Variants in TAS2R1 observed in about 807,000 individuals in gnomAD.
TAS2R1 encodes the protein taste 2 receptor member 1.
For synonymous variants in TAS2R1, 141 were observed against 134.2 expected (o/e 1.05, Z -0.35); for missense variants, 370 against 353.4 (o/e 1.05, Z -0.38).
chr5:9,740,827 C>T, the TAS2R1 span, among the ~76,000 whole-genome samples: 3,072 of 152,322 alleles, frequency 0.02, 41 homozygotes, highest in Middle Eastern at 0.034. Flanking sequence ...ATCCTTCTTA[C>T]ACTGCACCGT....
chr5:9,731,066 G>A, the TAS2R1 span, among the ~76,000 whole-genome samples: 10 of 151,942 alleles, frequency 6.6e-5, no homozygotes, highest in Non-Finnish European at 1.0e-4. Flanking sequence ...ACTGAAATCC[G>A]CTGTCCCCCA....
At chr5:9,757,316 T>A in the TAS2R1 span, among the ~76,000 whole-genome samples, 7 of 152,222 alleles carry the variant, frequency 4.6e-5, no homozygotes, top group Non-Finnish European at 1.0e-4. Context: ...CAAAGGCATA[T>A]GCCCACCTGC....
chr5:9,805,002 TAAAC>T, the TAS2R1 span, among the ~76,000 whole-genome samples: 1 of 150,646 alleles, frequency 6.6e-6, no homozygotes, highest in Non-Finnish European at 1.5e-5. Flanking sequence ...ATTAACATGA[TAAAC>T]AAAAAAAAGA....
At chr5:9,810,122 T>C in the TAS2R1 span, among the ~76,000 whole-genome samples, 1 of 152,238 alleles carries the variant, frequency 6.6e-6, no homozygotes, top group Admixed American at 6.5e-5. Context: ...AGTCTACTTT[T>C]AGCATGTGTG....
chr5:9,679,167 G>T (rs1253294559), intron 1 of TAS2R1, among the ~76,000 whole-genome samples: 1 of 152,148 alleles, frequency 6.6e-6, no homozygotes, highest in Non-Finnish European at 1.5e-5. Context: ...AAAAGTATAA[G>T]GATGGTAAAA....
upstream of TAS2R1, chr5:9,714,172 C>G (rs1232475444): frequency 6.6e-6 from 1 of 152,192 alleles, no homozygotes; most frequent in African/African-American, 2.4e-5. Context: ...GAACAGGTCC[C>G]TAAAGACAGG....
intron 2 of TAS2R1, among the ~76,000 whole-genome samples, chr5:9,654,770 A>T (rs762455220): frequency 1.8e-4 from 28 of 152,246 alleles, no homozygotes; most frequent in Non-Finnish European, 3.1e-4. Context: ...CTTAGTAAAG[A>T]TACAGAACAA....
At chr5:9,705,029 G>A (rs1288939164) in intron 1 of TAS2R1, among the ~76,000 whole-genome samples, 2 of 151,768 alleles carry the variant, frequency 1.3e-5, no homozygotes, top group Non-Finnish European at 2.9e-5. Context: ...GTGGCTAATT[G>A]GTTGTTCTTC....
chr5:9,796,480 G>T, the TAS2R1 span, among the ~76,000 whole-genome samples: 1 of 152,042 alleles, frequency 6.6e-6, no homozygotes, highest in Non-Finnish European at 1.5e-5. Context: ...TTTGAGTAAG[G>T]TGAACAACTG....
the TAS2R1 span, among the ~76,000 whole-genome samples, chr5:9,771,318 C>T: frequency 6.6e-6 from 1 of 152,064 alleles, no homozygotes; most frequent in African/African-American, 2.4e-5. Context: ...ATGTATCACA[C>T]TGATTGATTT....
the TAS2R1 span, among the ~76,000 whole-genome samples, chr5:9,894,473 G>C: frequency 6.6e-6 from 1 of 152,108 alleles, no homozygotes; most frequent in Non-Finnish European, 1.5e-5. Context: ...CACACACACA[G>C]AGGAAATACC....
chr5:9,881,030 T>C, the TAS2R1 span, among the ~76,000 whole-genome samples: 1 of 152,068 alleles, frequency 6.6e-6, no homozygotes, highest in Non-Finnish European at 1.5e-5. Context: ...TCAGCAGACT[T>C]AGTCTTTCCC....
the TAS2R1 span, among the ~76,000 whole-genome samples, chr5:9,856,836 T>G: frequency 6.6e-6 from 1 of 152,202 alleles, no homozygotes; most frequent in Non-Finnish European, 1.5e-5. Flanking sequence ...TGCACTCCCA[T>G]GTTTATTGCA....
chr5:9,757,922 A>G, the TAS2R1 span, among the ~76,000 whole-genome samples: 354 of 152,198 alleles, frequency 2.3e-3, 2 homozygotes, highest in African/African-American at 8.2e-3. Flanking sequence ...TTTTCATGAG[A>G]AAAACAACCC....
chr5:9,628,164 C>T lies in TAS2R1; in HGVS notation c.*969G>A, dbSNP rs533560437. ...TCTATCTATCTATCTATCTATCTAT[C>T]TATCTATCTATCTCTTAGTATTCAA... On this transcript the variant is annotated 3_prime_UTR_variant, in exon 1 of 1. Transcript: ENST00000382492. Among the ~76,000 whole-genome samples the T allele has an allele frequency of 1.1e-4, 16 of 151,514 alleles. No homozygotes were observed. Among genetic ancestry groups the T allele is most frequent in the Non-Finnish European group, 2.1e-4 (14 of 67,860 alleles).
At chr5:9,835,767 G>C in the TAS2R1 span, among the ~76,000 whole-genome samples, 2 of 152,316 alleles carry the variant, frequency 1.3e-5, no homozygotes, top group African/African-American at 4.8e-5. Context: ...ACAGCCTAAT[G>C]TTGGGCAAGA....
At chr5:9,642,812 C>T (rs547564844) in intron 2 of TAS2R1, among the ~76,000 whole-genome samples, 8 of 152,264 alleles carry the variant, frequency 5.3e-5, no homozygotes, top group African/African-American at 1.9e-4. Context: ...TTGTTAGTTA[C>T]AATGAGGAAA....
chr5:9,824,506 T>C, the TAS2R1 span, among the ~76,000 whole-genome samples: 1 of 152,156 alleles, frequency 6.6e-6, no homozygotes, highest in Non-Finnish European at 1.5e-5. Context: ...CCTGGACTAA[T>C]GTTAAGCTTT....
chr5:9,883,075 G>A, the TAS2R1 span, among the ~76,000 whole-genome samples: 2 of 152,170 alleles, frequency 1.3e-5, no homozygotes, highest in Non-Finnish European at 2.9e-5. Flanking sequence ...GTGCTTTGCA[G>A]GGACATGGAT....
Sources: gnomAD v4.1 joint callset for allele counts (sites outside exome capture counted in the v4.1 genomes callset) on GRCh38, gnomAD v4.1.1 for gene constraint, MANE v1.5 for transcripts, NCBI Gene and HGNC (gene_info 2026-07-23, HGNC 2026-07-21) for gene names.